GPC5: variants seen among roughly 807,000 people sequenced by gnomAD.
GPC5 encodes the protein glypican-5.
GPC5 carries 47 observed loss-of-function variants against 53.9 expected under a neutral mutation model. That is an observed-to-expected ratio of 0.87 (90% CI 0.69 to 1.11). The LOEUF is 1.11. GPC5 is among the 50% of genes most tolerant of loss of function. GPC5 has a pLI of 0.00. For synonymous variants in GPC5, 286 were observed against 263.3 expected (o/e 1.09, Z -0.84); for missense variants, 748 against 713.1 (o/e 1.05, Z -0.56).
rs201547586 is a variant in GPC5 at position 92,544,794 on chromosome 13, G to T, written c.1562-321488G>T. Among the ~76,000 whole-genome samples the T allele has an allele frequency of 5.9e-5, 9 of 152,004 alleles. No individual in the cohort carries two copies. In the East Asian group the frequency reaches 1.6e-3, roughly 26 times the overall value. ...ATAACTTGCTTGACACTGAAATTTA[G>T]TTTCCACATTATTTAGATAATTTCT... On this transcript the variant is annotated intron_variant, in intron 7 of 7. Transcript: ENST00000377067.
chr13:92,231,371 G>A (rs1041848206), intron 7 of GPC5, among the ~76,000 whole-genome samples: 2 of 151,918 alleles, frequency 1.3e-5, no homozygotes, highest in African/African-American at 2.4e-5. Context: ...TCATTTATAC[G>A]GCCATTCAGT....
At chr13:91,842,839 T>C (rs4470023) in intron 5 of GPC5, among the ~76,000 whole-genome samples, 63,578 of 151,826 alleles carry the variant, frequency 0.42, 14,339 homozygotes, top group East Asian at 0.86. Flanking sequence ...AAATGAGACG[T>C]GCTCTTTAAA....
intron 2 of GPC5, among the ~76,000 whole-genome samples, chr13:91,523,086 A>G (rs188198332): frequency 6.6e-6 from 1 of 152,226 alleles, no homozygotes. Context: ...AAAAGACAAA[A>G]GATAACAAGT....
intron 7 of GPC5, among the ~76,000 whole-genome samples, chr13:92,230,201 A>T (rs927718679): frequency 3.3e-5 from 5 of 152,178 alleles, no homozygotes; most frequent in African/African-American, 9.6e-5. Context: ...CATTACTCTT[A>T]TCTACAAAGC....
At chr13:91,528,499 T>C (rs1009594574) in intron 2 of GPC5, among the ~76,000 whole-genome samples, 7 of 152,188 alleles carry the variant, frequency 4.6e-5, no homozygotes, top group African/African-American at 1.7e-4. Context: ...AGCATATTGG[T>C]CAAAACGATT....
At chr13:91,545,130 T>C (rs890043992) in intron 2 of GPC5, among the ~76,000 whole-genome samples, 10 of 152,146 alleles carry the variant, frequency 6.6e-5, no homozygotes, top group Non-Finnish European at 1.5e-4. Flanking sequence ...CATCTATTTA[T>C]TAGAAGTGAG....
intron 7 of GPC5, among the ~76,000 whole-genome samples, chr13:92,744,635 T>A (rs968208984): frequency 6.6e-6 from 1 of 151,950 alleles, no homozygotes; most frequent in Non-Finnish European, 1.5e-5. Flanking sequence ...AAGGTGATGT[T>A]TAGAAACTGA....
chr13:92,121,907 A>G (rs1379526983), intron 6 of GPC5, among the ~76,000 whole-genome samples: 2 of 152,226 alleles, frequency 1.3e-5, no homozygotes, highest in Non-Finnish European at 2.9e-5. Flanking sequence ...AAGAGAAAAA[A>G]ATTAGGATTG....
At chr13:92,560,132 A>C (rs1882647544) in intron 7 of GPC5, among the ~76,000 whole-genome samples, 1 of 151,990 alleles carries the variant, frequency 6.6e-6, no homozygotes, top group African/African-American at 2.4e-5. Context: ...ATTATTAGCA[A>C]AATATAAACA....
chr13:92,729,374 G>T (rs1566388686), intron 7 of GPC5, among the ~76,000 whole-genome samples: 1 of 151,338 alleles, frequency 6.6e-6, no homozygotes, highest in Non-Finnish European at 1.5e-5. Context: ...TAGAAATTGG[G>T]ATGTGCTGTG....
At chr13:92,115,413 G>A (rs538487929) in intron 6 of GPC5, among the ~76,000 whole-genome samples, 58 of 152,300 alleles carry the variant, frequency 3.8e-4, no homozygotes, top group South Asian at 1.2e-3. Context: ...GGTTGAAGCA[G>A]GAGAGTTGCT....
At chr13:92,468,341 A>T (rs1402424981) in intron 7 of GPC5, among the ~76,000 whole-genome samples, 1 of 152,146 alleles carries the variant, frequency 6.6e-6, no homozygotes, top group Non-Finnish European at 1.5e-5. Context: ...GGAATAGAGA[A>T]AAGGTCTGTC....
chr13:91,879,876 G>C (rs2039245587), intron 5 of GPC5, among the ~76,000 whole-genome samples: 1 of 152,062 alleles, frequency 6.6e-6, no homozygotes, highest in Non-Finnish European at 1.5e-5. Context: ...GTAGAATTCA[G>C]TTCCTTTTTC....
chr13:91,571,813 ACG>A (rs2031816960), intron 2 of GPC5, among the ~76,000 whole-genome samples: 1 of 105,824 alleles, frequency 9.4e-6, no homozygotes, highest in African/African-American at 4.6e-5. Flanking sequence ...ACACACACAT[ACG>A]TGTGTGTATA....
intron 2 of GPC5, among the ~76,000 whole-genome samples, chr13:91,657,500 G>A (rs1268902676): frequency 2.0e-5 from 3 of 152,044 alleles, no homozygotes; most frequent in African/African-American, 7.2e-5. Flanking sequence ...TATCTAATGG[G>A]TAGAGGCCAA....
rs920291407 is a variant in GPC5 at position 92,285,425 on chromosome 13, A to G, written c.1561+140436A>G. On this transcript the variant is annotated intron_variant, in intron 7 of 7. Coordinates refer to ENST00000377067, the MANE Select transcript of GPC5 (RefSeq NM_004466.6). ...CATATGGAACCAAAAAAGAGCCCAC[A>G]TTGCCAACTCAATCCTAAGCCAAAA... Among the ~76,000 whole-genome samples, 63 of 152,320 alleles carry G rather than the reference A, an allele frequency of 4.1e-4. 1 individual carries two copies. Among genetic ancestry groups the G allele is most frequent in the Non-Finnish European group, 1.6e-4 (11 of 68,030 alleles).
chr13:92,019,075 A>G (rs1309169388), intron 6 of GPC5, among the ~76,000 whole-genome samples: 1 of 152,068 alleles, frequency 6.6e-6, no homozygotes, highest in Non-Finnish European at 1.5e-5. Context: ...TTGGAAACAC[A>G]TTAATTTTAC....
intron 7 of GPC5, among the ~76,000 whole-genome samples, chr13:92,163,993 A>G (rs772854563): frequency 4.3e-4 from 65 of 152,132 alleles, no homozygotes; most frequent in Non-Finnish European, 2.8e-4. Flanking sequence ...GCCCCTCACA[A>G]AACCATCAGA....
intron 7 of GPC5, among the ~76,000 whole-genome samples, chr13:92,366,670 G>A (rs1047690073): frequency 1.3e-5 from 2 of 152,134 alleles, no homozygotes; most frequent in Non-Finnish European, 2.9e-5. Flanking sequence ...TTACAGCTAC[G>A]GCTGTTCCAT....
Sources: gnomAD v4.1 joint callset for allele counts (sites outside exome capture counted in the v4.1 genomes callset) on GRCh38, gnomAD v4.1.1 for gene constraint, MANE v1.5 for transcripts, NCBI Gene and HGNC (gene_info 2026-07-23, HGNC 2026-07-21) for gene names.